Variants in MMP8 observed in about 807,000 individuals in gnomAD.
The protein encoded by MMP8 is matrix metallopeptidase 8.
Under a neutral mutation model 51.2 loss-of-function variants are expected in MMP8, and 67 were observed. The ratio of observed to expected loss-of-function variants is 1.31; its 90% confidence interval spans 1.08 to 1.60. The LOEUF (loss-of-function observed/expected upper bound fraction) is 1.60. MMP8 is among the 40% of genes most tolerant of loss of function. MMP8 has a pLI of 0.00. For missense variants in MMP8, 654 were observed against 558.1 expected (o/e 1.17, Z -1.73); for synonymous variants, 225 against 191.0 (o/e 1.18, Z -1.47).
rs1281718816 is a variant in MMP8 at position 102,721,415 on chromosome 11, G to A, written c.608C>T (p.Thr203Ile). 1 of 1,613,522 alleles carries A rather than the reference G, an allele frequency of 6.2e-7. No homozygotes were observed. The highest frequency in any genetic ancestry group is 8.5e-7 in the Non-Finnish European group (1 of 1,179,768). ...DAHFDAEETWTNTSANYNLFL... is the reference protein window; with the variant it reads ...DAHFDAEETWINTSANYNLFL... ...GATTAACTTACTTGCGGAGGTGTTG[G>A]TCCATGTTTCTTCGGCATCAAAATG... Residue 203 changes from threonine (T) to isoleucine (I), a missense_variant, in exon 4 of 10, where the codon ACC (threonine) becomes ATC (isoleucine). Transcript: ENST00000236826.
Position 102,722,632 on chromosome 11 carries a change from A to G in MMP8, c.144T>C (p.Tyr48=), listed in dbSNP as rs761860692. 5.0e-6 allele frequency: 8 copies of G among 1,613,660 alleles called. No individual in the cohort carries two copies. The South Asian group carries it at 7.7e-5, about 16-fold the overall frequency. The change falls in exon 2 of 10, where the codon TAT becomes TAC. Residue 48 remains tyrosine (Y), a synonymous_variant. Transcript: ENST00000236826. The part of the protein sequence containing the change: ...EKFYQLPSNQ[Y]QSTRKNGTNV... ...TAGTGCCATTCTTCCTTGTAGACTG[A>G]TACTGGTTGCTTGGTAATTGGTAGA...
Position 102,715,307 on chromosome 11 carries a change from T to C in MMP8, c.1033A>G (p.Lys345Glu), listed in dbSNP as rs1209210560. The C allele has an allele frequency of 6.2e-7, 1 of 1,609,750 alleles. No homozygotes were observed. The highest frequency in any genetic ancestry group is 1.7e-5 in the Admixed American group (1 of 58,958). Residue 345 changes from lysine to glutamate, a missense_variant, in exon 7 of 10, where the codon AAA (lysine) becomes GAA (glutamate). Coordinates refer to ENST00000236826, the MANE Select transcript of MMP8 (RefSeq NM_002424.3). ...DFDRDLIFLF[K>E]GNQYWALSGY... ...GATGAAAACTTTAGGAAGTTACCTT[T>C]AAATAGGAAAATGAGGTCTCTGTCA... is the stretch of plus-strand genomic sequence containing the variant.
At position 102,713,450 on chromosome 11, in the gene MMP8, G is replaced by A. The variant is rs1861185699; in HGVS notation, c.1302C>T (p.Phe434=). 3 of 1,606,374 alleles carry A rather than the reference G, an allele frequency of 1.9e-6. No homozygotes were observed. Among genetic ancestry groups the A allele is most frequent in the East Asian group, 2.2e-5 (1 of 44,808 alleles). Residue 434 remains phenylalanine (F), a synonymous_variant, in exon 10 of 10, where the codon TTC becomes TTT. Coordinates refer to ENST00000236826, the MANE Select transcript of MMP8 (RefSeq NM_002424.3). The part of the protein sequence containing the change: ...VDAVFQQEHF[F]HVFSGPRYYA... ...AATATCTTGGTCCACTGAAGACATGGAAGAAATCTATAAAAAAAGAGAGAT... is the reference window on the plus strand; with the variant it reads ...AATATCTTGGTCCACTGAAGACATGAAAGAAATCTATAAAAAAAGAGAGAT...
In MMP8 at chr11:102,715,478, A is replaced by G. The variant is rs753288523; in HGVS notation, c.903-41T>C. The stretch of plus-strand genomic sequence containing the variant: ...GAAACACACACACACACTTATACAT[A>G]ACAGTCTAAGTAGGCAGTTCCTGTG... On this transcript the variant is annotated intron_variant, in intron 6 of 9. Transcript: ENST00000236826. 1.4e-5 allele frequency: 22 copies of G among 1,585,070 alleles called. No individual in the cohort carries two copies. The African/African-American group carries it at 2.7e-4, about 20-fold the overall frequency.
In MMP8 at chr11:102,718,413, C is replaced by A. The variant is rs1019833131; in HGVS notation, c.784+1G>T. ...CTATGACTCTCTTGAGAAGACCTTA[C>A]CATAGATGGCCTGAATGCCATCGAT... is the stretch of plus-strand genomic sequence containing the variant. On this transcript the variant is annotated splice_donor_variant, in intron 5 of 9. Transcript: ENST00000236826. LOFTEE classifies it high-confidence loss of function. 2.1e-5 allele frequency: 34 copies of A among 1,608,990 alleles called. 1 individual carries two copies. The Admixed American group carries it at 5.2e-4, about 25-fold the overall frequency.
In MMP8 at chr11:102,713,166, G is replaced by C. The variant is rs1019788993; in HGVS notation, c.*182C>G. 1.8e-6 allele frequency: 1 copy of C among 556,582 alleles called. No homozygotes were observed. Among genetic ancestry groups the C allele is most frequent in the African/African-American group, 1.9e-5 (1 of 52,504 alleles). The allele number at this position is 556,582 out of a possible 1,614,324, so 34.5% of individuals were successfully genotyped here. A position where few individuals can be genotyped will look rare whatever the true frequency, so the allele number is the denominator to read the frequency against. On this transcript the variant is annotated 3_prime_UTR_variant, in exon 10 of 10. Transcript: ENST00000236826. ...GATGGAATGTGTAAGAACTGAATAA[G>C]CCTCTGCAAATAGTGGAATATTCCA...
chr11:102,724,900 C>T lies in MMP8; in HGVS notation c.-45G>A, dbSNP rs533202119. ...ACCCCTCCTGGCTTTCTTTCTGTCC[C>T]TCTGGGTAGGGCCCTTCCCTGGCGA... On this transcript the variant is annotated 5_prime_UTR_variant, in exon 1 of 10. Transcript: ENST00000236826. 1.3e-6 allele frequency: 2 copies of T among 1,585,856 alleles called. No homozygotes were observed. The highest frequency in any genetic ancestry group is 2.7e-5 in the African/African-American group (2 of 74,382).
At chr11:102,723,631 A>G (rs1861538767) in intron 1 of MMP8, 2 of 374,806 alleles carry the variant, frequency 5.3e-6, no homozygotes, top group South Asian at 4.0e-5. Flanking sequence ...CCTCTTTATA[A>G]TACCCATTCT....
At chr11:102,724,224 G>T (rs1861553010) in intron 1 of MMP8, among the ~76,000 whole-genome samples, 1 of 152,072 alleles carries the variant, frequency 6.6e-6, no homozygotes. Context: ...AAAAACTATT[G>T]GTTCTGCTTT....
At chr11:102,721,898 C>T (rs1360992899) in intron 2 of MMP8, 136 bp from the exon 3 acceptor site, 23 of 994,244 alleles carry the variant, frequency 2.3e-5, no homozygotes, top group Middle Eastern at 6.5e-4. Flanking sequence ...GAGTGCAGGT[C>T]TCAGGGTGGA....
intron 6 of MMP8, among the ~76,000 whole-genome samples, chr11:102,715,830 A>G (rs1861275176): frequency 6.6e-6 from 1 of 152,242 alleles, no homozygotes; most frequent in Admixed American, 6.5e-5. Context: ...CAATGGACAA[A>G]TAAAAATTTC....
intron 1 of MMP8, chr11:102,723,024 CA>C (rs1316525876): frequency 7.7e-7 from 1 of 1,295,474 alleles, no homozygotes; most frequent in East Asian, 5.5e-5. Context: ...TTTGTTGCAT[CA>C]GTGCAGTTCC....
chr11:102,724,436 C>G (rs183198496), intron 1 of MMP8, among the ~76,000 whole-genome samples: 6 of 152,214 alleles, frequency 3.9e-5, no homozygotes, highest in African/African-American at 1.4e-4. Flanking sequence ...GAAGGAAAAA[C>G]CTTAGGTAAA....
At chr11:102,723,864 C>A in intron 1 of MMP8, 1 of 262,462 alleles carries the variant, frequency 3.8e-6, no homozygotes, top group Non-Finnish European at 8.2e-6. Flanking sequence ...TCAGACAGGC[C>A]TGGGTTCAAA....
At chr11:102,718,362 C>T (rs1053954762) in intron 5 of MMP8, 52 bp downstream of exon 5, 15 of 1,536,064 alleles carry the variant, frequency 9.8e-6, no homozygotes, top group Middle Eastern at 1.9e-4. Flanking sequence ...TGGGAGTGTT[C>T]GCCTATTCCC....
At chr11:102,715,469 C>T (rs993370647) in intron 6 of MMP8, 32 bp from the exon 7 acceptor site, 2 of 1,594,460 alleles carry the variant, frequency 1.3e-6, no homozygotes, top group Non-Finnish European at 8.5e-7. Flanking sequence ...CACACACACA[C>T]TTATACATAA....
In MMP8 at chr11:102,722,684, A is replaced by G. The variant is rs1205839240; in HGVS notation, c.103-11T>C. On this transcript the variant is annotated splice_polypyrimidine_tract_variant and intron_variant, in intron 1 of 9. Transcript: ENST00000236826. ...CTTTTCCAGGTAGTCCTGGACAAAG[A>G]CAAGCACATAGGGGTCTTGCTGTGA... The G allele has an allele frequency of 1.2e-5, 20 of 1,613,184 alleles. No individual in the cohort carries two copies. The highest frequency in any genetic ancestry group is 1.7e-5 in the Admixed American group (1 of 59,920).
At chr11:102,714,807 C>T (rs1861238678) in intron 7 of MMP8, 98 bp from the exon 8 acceptor site, 9 of 199,712 alleles carry the variant, frequency 4.5e-5, no homozygotes, top group African/African-American at 7.3e-5. Flanking sequence ...TATATATATA[C>T]CACTTCTTGG....
chr11:102,718,583 G>A lies in MMP8; in HGVS notation c.623-8C>T, dbSNP rs1861376944. The A allele has an allele frequency of 1.2e-6, 2 of 1,613,592 alleles. No individual in the cohort carries two copies. Among genetic ancestry groups the A allele is most frequent in the African/African-American group, 1.3e-5 (1 of 74,900 alleles). On this transcript the variant is annotated splice_region_variant and splice_polypyrimidine_tract_variant and intron_variant, in intron 4 of 9. Coordinates refer to ENST00000236826, the MANE Select transcript of MMP8 (RefSeq NM_002424.3). ...CAAGAAACAAGTTGTAATCTGAAAT[G>A]CAAACACGGGTGGTAAACAGCTCAG...
Sources: allele counts gnomAD v4.1 joint callset (sites outside exome capture counted in the v4.1 genomes callset), GRCh38; gene constraint gnomAD v4.1.1; transcripts MANE v1.5; gene names NCBI Gene and HGNC (gene_info 2026-07-23, HGNC 2026-07-21).